The following SKI variants were observed in gnomAD, a reference collection of about 807,000 sequenced individuals.
SKI encodes SKI proto-oncogene.
Under a neutral mutation model 59.3 loss-of-function variants are expected in SKI, and 23 were observed. The ratio of observed to expected loss-of-function variants is 0.39; its 90% CI spans 0.28 to 0.55. The LOEUF is 0.55. SKI is among the 20% of genes least tolerant of loss of function. SKI has a pLI of 0.67. For synonymous variants in SKI, 673 were observed against 488.6 expected (o/e 1.38, Z -4.98); for missense variants, 1,017 against 1,038.9 (o/e 0.98, Z 0.29).
At chr1:2,306,483 CAG>C (rs1640584202) in intron 6 of SKI, 92 bp from the exon 7 acceptor site, 3 of 1,319,588 alleles carry the variant, frequency 2.3e-6, no homozygotes, top group Middle Eastern at 2.5e-4. Context: ...TGGGGAGGGA[CAG>C]GGAGCGGCGC....
At chr1:2,285,190 T>C (rs993691696) in intron 1 of SKI, among the ~76,000 whole-genome samples, 1 of 152,060 alleles carries the variant, frequency 6.6e-6, no homozygotes, top group African/African-American at 2.4e-5. Flanking sequence ...CTTTTTGACA[T>C]GCATTTGGAA....
rs1640710888 is a variant in SKI at position 2,309,993 on chromosome 1, C to A, written c.*3228C>A. On this transcript the variant is annotated 3_prime_UTR_variant, in exon 7 of 7. Transcript: ENST00000378536. Reference sequence around the variant, plus strand: ...TCTCTACCTTTAACATCACCCAGACCCCCGCCCCTGCCCGTGCCCCACGCT... The same window carrying A: ...TCTCTACCTTTAACATCACCCAGACACCCGCCCCTGCCCGTGCCCCACGCT... 1 of 148,290 alleles carries A rather than the reference C, an allele frequency of 6.7e-6. No individual in the cohort carries two copies. Among genetic ancestry groups the A allele is most frequent in the African/African-American group, 2.5e-5 (1 of 39,830 alleles). The allele number at this position is 148,290 out of a possible 1,614,324, so 9.2% of individuals were successfully genotyped here. A position where few individuals can be genotyped will look rare whatever the true frequency, so the allele number is the denominator to read the frequency against.
At chr1:2,299,104 T>C (rs1421293179) in intron 1 of SKI, among the ~76,000 whole-genome samples, 1 of 152,216 alleles carries the variant, frequency 6.6e-6, no homozygotes, top group African/African-American at 2.4e-5. Context: ...ACCCCAGTGT[T>C]CAGAAGGTTC....
rs934035261 is a variant in SKI, at chr1:2,269,487, G to A, written c.970-33491G>A. Among the ~76,000 whole-genome samples the A allele has an allele frequency of 2.2e-4, 33 of 152,396 alleles. No individual in the cohort carries two copies. Among genetic ancestry groups the A allele is most frequent in the African/African-American group, 7.0e-4 (29 of 41,596 alleles). On this transcript the variant is annotated intron_variant, in intron 1 of 6. Transcript: ENST00000378536. The surrounding 1 kb of genome is among the most constrained non-coding windows in gnomAD (Gnocchi z 4.7). ...CGTCCTCAGCAGTCTGTGGCCTTCT[G>A]TGAAGCAAAGCCGTTTTGCAGGCTG...
chr1:2,250,895 C>T (rs970747855), intron 1 of SKI, among the ~76,000 whole-genome samples: 10 of 152,378 alleles, frequency 6.6e-5, no homozygotes, highest in East Asian at 1.9e-4. Flanking sequence ...CCCGGGGGGC[C>T]GGTGCCCTAT....
At position 2,244,467 on chromosome 1, in the gene SKI, C is replaced by G. The variant is rs538333435; in HGVS notation, c.969+14732C>G. Among the ~76,000 whole-genome samples the G allele has an allele frequency of 2.1e-3, 321 of 152,234 alleles. 3 individuals are homozygous for G. Among genetic ancestry groups the G allele is most frequent in the African/African-American group, 7.4e-3 (309 of 41,562 alleles). ...TGGTGGTGTGCACCTGTAGTCCCAGCTACTTGGGAGGCTGAGGCTGGAGAA... is the reference window on the plus strand; with the variant it reads ...TGGTGGTGTGCACCTGTAGTCCCAGGTACTTGGGAGGCTGAGGCTGGAGAA... On this transcript the variant is annotated intron_variant, in intron 1 of 6. Coordinates refer to ENST00000378536, the MANE Select transcript of SKI (RefSeq NM_003036.4).
intron 1 of SKI, among the ~76,000 whole-genome samples, chr1:2,246,659 G>T (rs564681917): frequency 2.0e-5 from 3 of 152,180 alleles, no homozygotes; most frequent in Non-Finnish European, 2.9e-5. Context: ...GGGCTCTGCC[G>T]GGACTGGTGG....
intron 1 of SKI, among the ~76,000 whole-genome samples, chr1:2,296,471 A>G (rs895390847): frequency 6.6e-6 from 1 of 152,190 alleles, no homozygotes; most frequent in Non-Finnish European, 1.5e-5. Context: ...TTGCGTTTCC[A>G]CAGTGAATGA....
intron 1 of SKI, among the ~76,000 whole-genome samples, chr1:2,255,909 C>A (rs1208911263): frequency 6.6e-6 from 1 of 151,914 alleles, no homozygotes; most frequent in East Asian, 1.9e-4. Context: ...CATTTCCTGT[C>A]TGGAGCCAGT....
chr1:2,279,213 C>T lies in SKI; in HGVS notation c.970-23765C>T, dbSNP rs138564695. The stretch of plus-strand genomic sequence containing the variant: ...GGCCCTGATCTCTGAGCGGGACTGC[C>T]TCTGGCCTTTCTTCTGCATCCCCTA... On this transcript the variant is annotated intron_variant, in intron 1 of 6. Transcript: ENST00000378536. Among the ~76,000 whole-genome samples the T allele has an allele frequency of 2.5e-3, 382 of 152,336 alleles. 3 individuals are homozygous for T. The highest frequency in any genetic ancestry group is 8.8e-3 in the African/African-American group (364 of 41,566).
chr1:2,255,836 C>T (rs562440295), intron 1 of SKI, among the ~76,000 whole-genome samples: 40 of 151,762 alleles, frequency 2.6e-4, no homozygotes, highest in African/African-American at 9.7e-4. Flanking sequence ...GACCTCATTT[C>T]CTGTCTGGAA....
intron 1 of SKI, among the ~76,000 whole-genome samples, chr1:2,292,038 A>G (rs1234653958): frequency 6.6e-6 from 1 of 152,230 alleles, no homozygotes; most frequent in Non-Finnish European, 1.5e-5. Flanking sequence ...TAGCTTTATA[A>G]TTTCTTGAAC....
Position 2,306,786 on chromosome 1 carries a change from G to GCGC in SKI, c.*27_*29dup. ...CGTAGATTCCGTGCCTGCCGCCGCA[G>GCGC]CGCCGCCGACAACGCGGGTGCAGGG... On this transcript the variant is annotated 3_prime_UTR_variant, in exon 7 of 7. Transcript: ENST00000378536. The GCGC allele has an allele frequency of 6.8e-7, 1 of 1,480,202 alleles. No homozygotes were observed. The allele number at this position is 1,480,202 out of a possible 1,614,324, so 91.7% of individuals were successfully genotyped here. A position where few individuals can be genotyped will look rare whatever the true frequency, so the allele number is the denominator to read the frequency against.
chr1:2,247,472 C>T lies in SKI; in HGVS notation c.969+17737C>T, dbSNP rs535727016. ...AGTTCTTTTAGCAAAATGATGGCTTCGCTGAAGATGATACTTGCCACCTCA... is the reference window on the plus strand; with the variant it reads ...AGTTCTTTTAGCAAAATGATGGCTTTGCTGAAGATGATACTTGCCACCTCA... On this transcript the variant is annotated intron_variant, in intron 1 of 6. Coordinates refer to ENST00000378536, the MANE Select transcript of SKI (RefSeq NM_003036.4). Among the ~76,000 whole-genome samples, 10 of 152,316 alleles carry T rather than the reference C, an allele frequency of 6.6e-5. No homozygotes were observed. The South Asian group carries it at 1.0e-3, about 16-fold the overall frequency.
At chr1:2,245,729 G>A (rs891890251) in intron 1 of SKI, among the ~76,000 whole-genome samples, 3 of 150,154 alleles carry the variant, frequency 2.0e-5, no homozygotes, top group Admixed American at 6.7e-5. Flanking sequence ...GCCCGCCTTG[G>A]CCTCCTAAAG....
chr1:2,249,553 T>C (rs560355083), intron 1 of SKI, among the ~76,000 whole-genome samples: 63 of 152,308 alleles, frequency 4.1e-4, no homozygotes, highest in Non-Finnish European at 5.9e-4. Context: ...GTGATTCTTA[T>C]TCGGAAGAGA....
At chr1:2,265,317 T>A (rs1639479772) in intron 1 of SKI, among the ~76,000 whole-genome samples, 1 of 152,182 alleles carries the variant, frequency 6.6e-6, no homozygotes. Context: ...TCTCATCTTC[T>A]GGATTCTTTT....
chr1:2,285,469 C>T (rs560204660), intron 1 of SKI, among the ~76,000 whole-genome samples: 6 of 150,672 alleles, frequency 4.0e-5, no homozygotes, highest in East Asian at 2.0e-4. Flanking sequence ...GAGCTGAGAT[C>T]GTGCCACTGC....
intron 1 of SKI, among the ~76,000 whole-genome samples, chr1:2,253,797 GC>G (rs960380182): frequency 5.7e-4 from 86 of 152,208 alleles, no homozygotes; most frequent in African/African-American, 1.9e-3. Context: ...GGGGTGTTGT[GC>G]CCCCCCTACC....
Sources: allele counts gnomAD v4.1 joint callset (sites outside exome capture counted in the v4.1 genomes callset), GRCh38; gene constraint gnomAD v4.1.1; non-coding constraint Gnocchi (gnomAD v3.1); transcripts MANE v1.5; gene names NCBI Gene and HGNC (gene_info 2026-07-23, HGNC 2026-07-21).